The following TRAPPC9 variants were observed in gnomAD, a reference collection of about 807,000 sequenced individuals.
The protein encoded by TRAPPC9 is trafficking protein particle complex subunit 9.
In TRAPPC9, 83 loss-of-function variants were observed where a neutral mutation model predicts 124.0. The observed-to-expected ratio is 0.67, with a 90% confidence interval of 0.56 to 0.80. TRAPPC9 has a LOEUF of 0.80. TRAPPC9 is among the 30% of genes least tolerant of loss of function. TRAPPC9 has a pLI of 0.00. For missense variants in TRAPPC9, 1,302 were observed against 1,508.3 expected, an observed-to-expected ratio of 0.86 and a Z score of 2.27; for synonymous variants, 638 against 617.5, an observed-to-expected ratio of 1.03 and a Z score of -0.49.
intron 17 of TRAPPC9, among the ~76,000 whole-genome samples, chr8:140,159,693 C>A (rs184759382): frequency 2.0e-5 from 3 of 152,110 alleles, no homozygotes; most frequent in Non-Finnish European, 2.9e-5. Context: ...GCAAAAAAAA[C>A]CCAAATCAAA....
At chr8:140,072,658 C>T (rs1410429791) in intron 17 of TRAPPC9, among the ~76,000 whole-genome samples, 1 of 151,440 alleles carries the variant, frequency 6.6e-6, no homozygotes, top group East Asian at 1.9e-4. Context: ...CACAGATATA[C>T]ACTAGGAGAA....
intron 13 of TRAPPC9, among the ~76,000 whole-genome samples, chr8:140,286,696 C>T (rs532315560): frequency 1.4e-4 from 21 of 151,874 alleles, no homozygotes; most frequent in African/African-American, 3.9e-4. Context: ...TTTGGGGAGG[C>T]GAGGTAGGGA....
At chr8:140,096,399 G>A in intron 17 of TRAPPC9, 1 of 152,176 alleles carries the variant, frequency 6.6e-6, no homozygotes, top group East Asian at 1.9e-4. Context: ...GCCACATGTT[G>A]AAAACAAAAC....
intron 7 of TRAPPC9, among the ~76,000 whole-genome samples, chr8:140,378,851 A>G (rs1013563002): frequency 6.6e-6 from 1 of 152,142 alleles, no homozygotes; most frequent in Non-Finnish European, 1.5e-5. Flanking sequence ...CTGGCTTCCA[A>G]GGCCTACTGA....
chr8:139,767,773 T>G (rs374995326), intron 21 of TRAPPC9, among the ~76,000 whole-genome samples: 31 of 152,306 alleles, frequency 2.0e-4, no homozygotes, highest in African/African-American at 7.2e-4. Flanking sequence ...AATCAAAGAA[T>G]GCAGGCTGAG....
intron 21 of TRAPPC9, among the ~76,000 whole-genome samples, chr8:139,789,137 T>A (rs1157808269): frequency 2.0e-5 from 3 of 152,172 alleles, no homozygotes; most frequent in African/African-American, 7.2e-5. Flanking sequence ...AAGTGCTCCA[T>A]TCACTTTGGC....
chr8:140,404,592 A>G (rs535693724), intron 6 of TRAPPC9, among the ~76,000 whole-genome samples: 2 of 152,314 alleles, frequency 1.3e-5, no homozygotes, highest in African/African-American at 2.4e-5. Context: ...CCTGTGGTCT[A>G]TGAGATACTG....
chr8:140,219,809 G>A (rs2063293191), intron 17 of TRAPPC9, among the ~76,000 whole-genome samples: 1 of 152,196 alleles, frequency 6.6e-6, no homozygotes, highest in South Asian at 2.1e-4. Flanking sequence ...ACACGTTCAG[G>A]ACAAACCAGA....
chr8:140,417,055 T>C (rs985228795), intron 5 of TRAPPC9, among the ~76,000 whole-genome samples: 1 of 152,200 alleles, frequency 6.6e-6, no homozygotes, highest in Admixed American at 6.5e-5. Flanking sequence ...TTACACCTTA[T>C]ACAAAAATTA....
chr8:140,210,149 G>A (rs903070657), intron 17 of TRAPPC9, among the ~76,000 whole-genome samples: 15 of 152,234 alleles, frequency 9.9e-5, no homozygotes, highest in African/African-American at 2.9e-4. Context: ...ATGCCTGGGC[G>A]TGCCAGCCTA....
At chr8:140,369,694 G>A (rs1295251413) in intron 8 of TRAPPC9, among the ~76,000 whole-genome samples, 2 of 152,202 alleles carry the variant, frequency 1.3e-5, no homozygotes, top group African/African-American at 4.8e-5. Flanking sequence ...GCTCATGCCT[G>A]TAATCCCAGC....
chr8:140,287,547 GA>G, intron 13 of TRAPPC9, 60 bp downstream of exon 13: 1 of 1,608,080 alleles, frequency 6.2e-7, no homozygotes, highest in Non-Finnish European at 8.5e-7. Context: ...GGACCTCATG[GA>G]GGCCATGCAA....
At chr8:140,393,901 G>A (rs1231207764) in intron 7 of TRAPPC9, among the ~76,000 whole-genome samples, 3 of 152,154 alleles carry the variant, frequency 2.0e-5, no homozygotes, top group African/African-American at 7.2e-5. Context: ...GTCAACTCAA[G>A]CCAAGCGTCG....
intron 19 of TRAPPC9, among the ~76,000 whole-genome samples, chr8:139,987,023 G>A (rs1837278055): frequency 6.6e-6 from 1 of 152,224 alleles, no homozygotes; most frequent in Admixed American, 6.5e-5. Context: ...CATGGCATAT[G>A]CACTTTGGGT....
At chr8:139,922,027 A>C (rs1483638976) in intron 19 of TRAPPC9, among the ~76,000 whole-genome samples, 1 of 152,204 alleles carries the variant, frequency 6.6e-6, no homozygotes, top group Admixed American at 6.5e-5. Flanking sequence ...TGTTCAGAAC[A>C]TAGGAAATCA....
rs1841547507 is a variant in TRAPPC9, at chr8:140,045,650, A to AAAAAAAAC, written c.2557-21572_2557-21571insGTTTTTTT. 1.8e-5 allele frequency among the ~76,000 whole-genome samples: 2 copies of AAAAAAAAC among 111,540 alleles called. 1 individual carries two copies. Among genetic ancestry groups the AAAAAAAAC allele is most frequent in the Non-Finnish European group, 3.7e-5 (2 of 54,704 alleles). The allele number at this position is 111,540 out of a possible 152,430, so 73.2% of individuals were successfully genotyped here. A position where few individuals can be genotyped will look rare whatever the true frequency, so the allele number is the denominator to read the frequency against. On this transcript the variant is annotated intron_variant, in intron 17 of 22. Coordinates refer to ENST00000438773, the MANE Select transcript of TRAPPC9 (RefSeq NM_001160372.4). ...TCGGCAGAAAAAAAAAAAAAAAAAA[A>AAAAAAAAC]AAAAAAAAACCAAGTCAGGTCCTTT...
At chr8:140,268,591 G>A (rs1201323292) in intron 15 of TRAPPC9, among the ~76,000 whole-genome samples, 2 of 152,130 alleles carry the variant, frequency 1.3e-5, no homozygotes, top group Non-Finnish European at 2.9e-5. Flanking sequence ...CTGGGAAGGA[G>A]GAGGCCTTTG....
At chr8:140,345,785 A>G (rs768445311) in intron 9 of TRAPPC9, among the ~76,000 whole-genome samples, 10 of 152,218 alleles carry the variant, frequency 6.6e-5, no homozygotes, top group Non-Finnish European at 1.3e-4. Flanking sequence ...AGCTACCAAA[A>G]GACCTCAGGT....
intron 16 of TRAPPC9, among the ~76,000 whole-genome samples, chr8:140,247,661 A>G (rs1563879621): frequency 6.6e-6 from 1 of 152,150 alleles, no homozygotes; most frequent in Non-Finnish European, 1.5e-5. Context: ...CATAGCAGAT[A>G]TATGTATGTA....
Sources: gnomAD v4.1 joint callset for allele counts (sites outside exome capture counted in the v4.1 genomes callset) on GRCh38, gnomAD v4.1.1 for gene constraint, MANE v1.5 for transcripts, NCBI Gene and HGNC (gene_info 2026-07-23, HGNC 2026-07-21) for gene names.